The following EXOC8 variants were observed in gnomAD, a reference collection of about 807,000 sequenced individuals.
The protein encoded by EXOC8 is exocyst complex component 8, also known as exocyst complex 84 kDa subunit.
In EXOC8, 19 loss-of-function variants were observed where a neutral mutation model predicts 50.8. That is an observed-to-expected ratio of 0.37 (90% CI 0.26 to 0.55). The LOEUF is 0.55. EXOC8 is among the 20% of genes least tolerant of loss of function. The pLI is 0.80. For synonymous variants in EXOC8, 384 were observed against 367.9 expected, an observed-to-expected ratio of 1.04 and a Z score of -0.50; for missense variants, 781 against 915.8, an observed-to-expected ratio of 0.85 and a Z score of 1.90.
Position 231,335,357 on chromosome 1 carries a change from C to T in EXOC8, c.*211G>A, listed in dbSNP as rs1345523658. Reference sequence around the variant, plus strand: ...TAGCATAATTTAAAAGGATAGCTAGCATACTATACGTTTTAATAATTCCAG... The same window carrying T: ...TAGCATAATTTAAAAGGATAGCTAGTATACTATACGTTTTAATAATTCCAG... On this transcript the variant is annotated 3_prime_UTR_variant, in exon 1 of 1. Coordinates refer to ENST00000366645, the MANE Select transcript of EXOC8 (RefSeq NM_175876.5). The T allele has an allele frequency of 2.6e-6, 1 of 383,034 alleles. No homozygotes were observed. Among genetic ancestry groups the T allele is most frequent in the Non-Finnish European group, 4.5e-6 (1 of 221,798 alleles). The allele number at this position is 383,034 out of a possible 1,614,324, so 23.7% of individuals were successfully genotyped here. A position where few individuals can be genotyped will look rare whatever the true frequency, so the allele number is the denominator to read the frequency against.
In EXOC8 at chr1:231,335,596, T is replaced by C; in HGVS notation, c.2150A>G (p.Asn717Ser). Residue 717 changes from asparagine (N) to serine (S), a missense_variant, in exon 1 of 1, where the codon AAT (asparagine) becomes AGT (serine). Transcript: ENST00000366645. ...GACCACTGATGTTGTACTTTCAGGA[T>C]TCACACGAATAAGTCTAGATGCATT... is the stretch of plus-strand genomic sequence containing the variant. ...LRNASRLIRV[N>S]PESTTSVV The C allele has an allele frequency of 6.2e-7, 1 of 1,612,016 alleles. No individual in the cohort carries two copies. The highest frequency in any genetic ancestry group is 8.5e-7 in the Non-Finnish European group (1 of 1,178,992).
rs1339589894 is a variant in EXOC8, at chr1:231,334,217, TCTTCC to T, written c.*1346_*1350del. On this transcript the variant is annotated 3_prime_UTR_variant, in exon 1 of 1. Coordinates refer to ENST00000366645, the MANE Select transcript of EXOC8 (RefSeq NM_175876.5). ...TTTTAGGAGTCACAGAAGGTTCTCT[TCTTCC>T]CTTTGTTTTGGGCACATTGTCTCAC... 3 of 152,200 alleles carry T rather than the reference TCTTCC, an allele frequency of 2.0e-5. No homozygotes were observed. Among genetic ancestry groups the T allele is most frequent in the African/African-American group, 7.2e-5 (3 of 41,458 alleles). 9.4% of individuals were successfully genotyped at this position (152,200 alleles called of 1,614,324 possible). A position where few individuals can be genotyped will look rare whatever the true frequency, so the allele number is the denominator to read the frequency against.
rs758461827 is a variant in EXOC8, at chr1:231,337,292, C to A, written c.454G>T (p.Gly152Cys). ...CGCTGCTTTCCTTCCTCGCCTGGAC[C>A]GGAGCCGTCGCGGGAGGCACCCCCG... ...TPGGASRDGS[G>C]PGEEGKQRTL... is the part of the protein sequence containing the mutation. The change falls in exon 1 of 1, where the codon GGT becomes TGT. Residue 152 changes from glycine (G) to cysteine (C), a missense_variant. Gly to Cys is a radical substitution (Grantham distance 159, BLOSUM62 -3). Transcript: ENST00000366645. This position sits in a 1 kb window ranked among gnomAD's most constrained non-coding sequence, Gnocchi z 5.9. 36 of 1,604,794 alleles carry A rather than the reference C, an allele frequency of 2.2e-5. 1 individual carries two copies. In the East Asian group the frequency reaches 7.8e-4, roughly 35 times the overall value.
chr1:231,337,832 C>T lies in EXOC8; in HGVS notation c.-87G>A. The T allele has an allele frequency of 3.4e-6, 5 of 1,487,164 alleles. No homozygotes were observed. In the South Asian group the frequency reaches 4.1e-5, roughly 12 times the overall value. The allele number at this position is 1,487,164 out of a possible 1,614,324, so 92.1% of individuals were successfully genotyped here. A position where few individuals can be genotyped will look rare whatever the true frequency, so the allele number is the denominator to read the frequency against. On this transcript the variant is annotated 5_prime_UTR_variant, in exon 1 of 1. Coordinates refer to ENST00000366645, the MANE Select transcript of EXOC8 (RefSeq NM_175876.5). This position sits in a 1 kb window ranked among gnomAD's most constrained non-coding sequence, Gnocchi z 5.9. ...GACCCACCCAAGGCCAACCGAGCTC[C>T]TGGGCTGAGGAAGCAGGAATGGGAA... is the stretch of plus-strand genomic sequence containing the variant.
chr1:231,337,595 G>A lies in EXOC8; in HGVS notation c.151C>T (p.Leu51=), dbSNP rs1686712029. The stretch of plus-strand genomic sequence containing the variant: ...AGGTTCTGCGCCGTCTCCTCCGCCA[G>A]CGCCTGGATGCGCTGCCGGTGCTCC... ...LQEHRQRIQA[L]AEETAQNLKR... is the part of the protein sequence containing the mutation. The change falls in exon 1 of 1, where the codon CTG becomes TTG. Residue 51 remains leucine (L), a synonymous_variant. Transcript: ENST00000366645. The surrounding 1 kb of genome is among the most constrained non-coding windows in gnomAD (Gnocchi z 5.9). 2.5e-6 allele frequency: 4 copies of A among 1,612,482 alleles called. No homozygotes were observed. Among genetic ancestry groups the A allele is most frequent in the Non-Finnish European group, 3.4e-6 (4 of 1,179,986 alleles).
Position 231,335,546 on chromosome 1 carries a change from C to T in EXOC8, c.*22G>A. 3 of 1,545,492 alleles carry T rather than the reference C, an allele frequency of 1.9e-6. No homozygotes were observed. Among genetic ancestry groups the T allele is most frequent in the African/African-American group, 1.4e-5 (1 of 72,254 alleles). Reference sequence around the variant, plus strand: ...TATAAGCTCTCTCTCTGCATATATACACATATAAACAGACCCAAGCATTAG... The same window carrying T: ...TATAAGCTCTCTCTCTGCATATATATACATATAAACAGACCCAAGCATTAG... On this transcript the variant is annotated 3_prime_UTR_variant, in exon 1 of 1. Coordinates refer to ENST00000366645, the MANE Select transcript of EXOC8 (RefSeq NM_175876.5).
rs1456990946 is a variant in EXOC8 at position 231,336,923 on chromosome 1, C to G, written c.823G>C (p.Glu275Gln). The G allele has an allele frequency of 6.2e-7, 1 of 1,614,206 alleles. No homozygotes were observed. The highest frequency in any genetic ancestry group is 1.7e-5 in the Admixed American group (1 of 60,028). ...GCCCTCTTGGTGTCCTCCAGCACTTCCAGCCACTCTCGTTTGATTTTAGCA... is the reference window on the plus strand; with the variant it reads ...GCCCTCTTGGTGTCCTCCAGCACTTGCAGCCACTCTCGTTTGATTTTAGCA... ...ENAKIKREWLEVLEDTKRALS... is the reference protein window; with the variant it reads ...ENAKIKREWLQVLEDTKRALS... Residue 275 changes from glutamate (E) to glutamine (Q), a missense_variant, in exon 1 of 1, where the codon GAA becomes CAA. Around this residue, in one of 3 missense-constraint regions of EXOC8, gnomAD observed 700 missense variants for 804.1 expected, o/e 0.87. Coordinates refer to ENST00000366645, the MANE Select transcript of EXOC8 (RefSeq NM_175876.5). This position sits in a 1 kb window ranked among gnomAD's most constrained non-coding sequence, Gnocchi z 5.4.
In EXOC8 at chr1:231,336,025, A is replaced by G. The variant is rs1008024750; in HGVS notation, c.1721T>C (p.Met574Thr). Residue 574 changes from methionine to threonine, a missense_variant, in exon 1 of 1, where the codon ATG becomes ACG. Physicochemically the swap from Met to Thr is moderately conservative, Grantham distance 81. This residue lies in a region of EXOC8 where 700 missense variants were observed against 804.1 expected (regional missense o/e 0.87). Coordinates refer to ENST00000366645, the MANE Select transcript of EXOC8 (RefSeq NM_175876.5). The surrounding 1 kb of genome is among the most constrained non-coding windows in gnomAD (Gnocchi z 5.4). ...EATKHRNSEEMWRRMNLMTPE... is the reference protein window; with the variant it reads ...EATKHRNSEETWRRMNLMTPE... ...CGTCATCAAGTTCATCCTCCTCCAC[A>G]TCTCTTCAGAGTTGCGATGTTTAGT... The G allele has an allele frequency of 6.2e-7, 1 of 1,614,050 alleles. No homozygotes were observed. Among genetic ancestry groups the G allele is most frequent in the East Asian group, 2.2e-5 (1 of 44,868 alleles).
chr1:231,335,502 A>G lies in EXOC8; in HGVS notation c.*66T>C, dbSNP rs1400185505. ...ACTATAGAGTATGCTAATACAACTTAATATAAATATAAATAATATATAAGC... is the reference window on the plus strand; with the variant it reads ...ACTATAGAGTATGCTAATACAACTTGATATAAATATAAATAATATATAAGC... On this transcript the variant is annotated 3_prime_UTR_variant, in exon 1 of 1. Coordinates refer to ENST00000366645, the MANE Select transcript of EXOC8 (RefSeq NM_175876.5). 4 of 1,305,878 alleles carry G rather than the reference A, an allele frequency of 3.1e-6. No individual in the cohort carries two copies. The Admixed American group carries it at 1.1e-4, about 38-fold the overall frequency. 80.9% of individuals were successfully genotyped at this position (1,305,878 alleles called of 1,614,324 possible).
rs779945695 is a variant in EXOC8, at chr1:231,336,016, C to T, written c.1730G>A (p.Arg577Lys). Residue 577 changes from arginine to lysine, a missense_variant, in exon 1 of 1, where the codon AGG becomes AAG. Coordinates refer to ENST00000366645, the MANE Select transcript of EXOC8 (RefSeq NM_175876.5). This position sits in a 1 kb window ranked among gnomAD's most constrained non-coding sequence, Gnocchi z 5.4. ...GGCTTCTGGCGTCATCAAGTTCATC[C>T]TCCTCCACATCTCTTCAGAGTTGCG... Reference protein sequence around the residue: ...KHRNSEEMWRRMNLMTPEALG... With the variant: ...KHRNSEEMWRKMNLMTPEALG... 6.2e-6 allele frequency: 10 copies of T among 1,614,198 alleles called. No homozygotes were observed. In the East Asian group the frequency reaches 1.6e-4, roughly 25 times the overall value.
chr1:231,336,187 T>A lies in EXOC8; in HGVS notation c.1559A>T (p.Glu520Val), dbSNP rs928904202. Residue 520 changes from glutamate (E) to valine (V), a missense_variant, in exon 1 of 1, where the codon GAG (glutamate) becomes GTG (valine). Glu to Val is a moderately radical substitution (Grantham distance 121, BLOSUM62 -2). This residue lies in a region of EXOC8 where 700 missense variants were observed against 804.1 expected (regional missense o/e 0.87). Transcript: ENST00000366645. The surrounding 1 kb of genome is among the most constrained non-coding windows in gnomAD (Gnocchi z 5.4). ...DSKESLSTAAECVKVAKEHCQ... is the reference protein window; with the variant it reads ...DSKESLSTAAVCVKVAKEHCQ... ...ATGCTCCTTAGCCACTTTTACACAC[T>A]CAGCTGCTGTAGAGAGGCTCTCCTT... The A allele has an allele frequency of 3.0e-5, 48 of 1,614,012 alleles. No homozygotes were observed. The highest frequency in any genetic ancestry group is 3.9e-5 in the Non-Finnish European group (46 of 1,180,024).
Position 231,336,766 on chromosome 1 carries a change from T to C in EXOC8, c.980A>G (p.Glu327Gly). The stretch of plus-strand genomic sequence containing the variant: ...TTCCATGGAGAGGTCCACCTTCTCT[T>C]CCTCTACCTCAGGAACAGCTGGTTC... Reference protein sequence around the residue: ...EEEPAVPEVEEEKVDLSMEWI... With the variant: ...EEEPAVPEVEGEKVDLSMEWI... Residue 327 changes from glutamate to glycine, a missense_variant, in exon 1 of 1, where the codon GAA (glutamate) becomes GGA (glycine). Transcript: ENST00000366645. This position sits in a 1 kb window ranked among gnomAD's most constrained non-coding sequence, Gnocchi z 5.4. 6.2e-7 allele frequency: 1 copy of C among 1,614,194 alleles called. No homozygotes were observed. Among genetic ancestry groups the C allele is most frequent in the Middle Eastern group, 1.6e-4 (1 of 6,062 alleles).
rs771053553 is a variant in EXOC8, at chr1:231,336,857, C to T, written c.889G>A (p.Ala297Thr). 5.6e-6 allele frequency: 9 copies of T among 1,614,164 alleles called. No homozygotes were observed. The highest frequency in any genetic ancestry group is 7.6e-6 in the Non-Finnish European group (9 of 1,180,052). Reference protein sequence around the residue: ...KRRREQEEAAAPRGPPQVTSK... With the variant: ...KRRREQEEAATPRGPPQVTSK... ...GTCACTTGGGGTGGCCCTCGAGGGG[C>T]CGCTGCCTCCTCCTGCTCCCTTCGC... The change falls in exon 1 of 1, where the codon GCC (alanine) becomes ACC (threonine). Residue 297 changes from alanine (A) to threonine (T), a missense_variant. This residue lies in a region of EXOC8 where 700 missense variants were observed against 804.1 expected (regional missense o/e 0.87). Transcript: ENST00000366645. This position sits in a 1 kb window ranked among gnomAD's most constrained non-coding sequence, Gnocchi z 5.4.
rs2102854319 is a variant in EXOC8, at chr1:231,335,440, T to C, written c.*128A>G. ...TTTCCTCTTTTTGATTTTTGTATTT[T>C]TAAGAGGGCACTTTTAATTTTCAAG... On this transcript the variant is annotated 3_prime_UTR_variant, in exon 1 of 1. Coordinates refer to ENST00000366645, the MANE Select transcript of EXOC8 (RefSeq NM_175876.5). 1.1e-6 allele frequency: 1 copy of C among 912,602 alleles called. No homozygotes were observed. The highest frequency in any genetic ancestry group is 1.5e-6 in the Non-Finnish European group (1 of 683,652). 56.5% of individuals were successfully genotyped at this position (912,602 alleles called of 1,614,324 possible). A position where few individuals can be genotyped will look rare whatever the true frequency, so the allele number is the denominator to read the frequency against.
rs1274085664 is a variant in EXOC8 at position 231,334,447 on chromosome 1, G to GATGGGACAGCT, written c.*1110_*1120dup. The GATGGGACAGCT allele has an allele frequency of 6.6e-6, 1 of 152,210 alleles. No homozygotes were observed. The highest frequency in any genetic ancestry group is 1.5e-5 in the Non-Finnish European group (1 of 68,032). 9.4% of individuals were successfully genotyped at this position (152,210 alleles called of 1,614,324 possible). ...ATATCTCCTACCCTGAATGGGGGAAGATGGGACAGCTATATCTCATACTGA... is the reference window on the plus strand; with the variant it reads ...ATATCTCCTACCCTGAATGGGGGAAGATGGGACAGCTATGGGACAGCTATATCTCATACTGA... On this transcript the variant is annotated 3_prime_UTR_variant, in exon 1 of 1. Transcript: ENST00000366645.
At position 231,337,651 on chromosome 1, in the gene EXOC8, G is replaced by A; in HGVS notation, c.95C>T (p.Ser32Leu). Residue 32 changes from serine (S) to leucine (L), a missense_variant, in exon 1 of 1, where the codon TCG (serine) becomes TTG (leucine). Around this residue, in one of 3 missense-constraint regions of EXOC8, gnomAD observed 700 missense variants for 804.1 expected, o/e 0.87. Coordinates refer to ENST00000366645, the MANE Select transcript of EXOC8 (RefSeq NM_175876.5). This position sits in a 1 kb window ranked among gnomAD's most constrained non-coding sequence, Gnocchi z 5.9. ...GTCCCGGTCCCCATCCGACTGCTGC[G>A]AGAGCTGCTTCACGTACAGCCGCGC... ...FEARLYVKQL[S>L]QQSDGDRDLQ... is the part of the protein sequence containing the mutation. The A allele has an allele frequency of 3.1e-6, 5 of 1,610,134 alleles. No individual in the cohort carries two copies. The highest frequency in any genetic ancestry group is 1.3e-5 in the African/African-American group (1 of 75,026).
In EXOC8 at chr1:231,335,276, G is replaced by T; in HGVS notation, c.*292C>A. On this transcript the variant is annotated 3_prime_UTR_variant, in exon 1 of 1. Coordinates refer to ENST00000366645, the MANE Select transcript of EXOC8 (RefSeq NM_175876.5). ...AGAAAAAAGAAAAGTTTTATCAAAGGATAAAACCGAAATGCTATAGTATAT... is the reference window on the plus strand; with the variant it reads ...AGAAAAAAGAAAAGTTTTATCAAAGTATAAAACCGAAATGCTATAGTATAT... 1 of 193,676 alleles carries T rather than the reference G, an allele frequency of 5.2e-6. No homozygotes were observed. The highest frequency in any genetic ancestry group is 1.0e-5 in the Non-Finnish European group (1 of 96,998). 12.0% of individuals were successfully genotyped at this position (193,676 alleles called of 1,614,324 possible).
At position 231,335,738 on chromosome 1, in the gene EXOC8, TCTC is replaced by T. The variant is rs755042475; in HGVS notation, c.2005_2007del (p.Glu669del). The T allele has an allele frequency of 3.1e-6, 5 of 1,614,202 alleles. No individual in the cohort carries two copies. The highest frequency in any genetic ancestry group is 4.2e-6 in the Non-Finnish European group (5 of 1,180,036). ...GCATTCTGTCTGATAAAAGCTTTCTTCTCTGGATCCTGCTCACATCGAAGACTA... is the reference window on the plus strand; with the variant it reads ...GCATTCTGTCTGATAAAAGCTTTCTTTGGATCCTGCTCACATCGAAGACTA... On this transcript the variant is annotated inframe_deletion, in exon 1 of 1. Coordinates refer to ENST00000366645, the MANE Select transcript of EXOC8 (RefSeq NM_175876.5).
Position 231,335,477 on chromosome 1 carries a change from A to G in EXOC8, c.*91T>C, listed in dbSNP as rs1223315221. The G allele has an allele frequency of 2.6e-6, 3 of 1,163,464 alleles. No homozygotes were observed. The highest frequency in any genetic ancestry group is 1.6e-5 in the African/African-American group (1 of 62,572). 72.1% of individuals were successfully genotyped at this position (1,163,464 alleles called of 1,614,324 possible). The stretch of plus-strand genomic sequence containing the variant: ...TTTTAATTTTCAAGTTGTGTTTGAA[A>G]CTATAGAGTATGCTAATACAACTTA... On this transcript the variant is annotated 3_prime_UTR_variant, in exon 1 of 1. Transcript: ENST00000366645.
Sources: allele counts gnomAD v4.1 joint callset, GRCh38; gene constraint gnomAD v4.1.1; regional missense constraint gnomAD v4.1.1; non-coding constraint Gnocchi (gnomAD v3.1); transcripts MANE v1.5; gene names NCBI Gene and HGNC (gene_info 2026-07-23, HGNC 2026-07-21).